The following PCDH15 variants were observed in gnomAD, a reference collection of about 807,000 sequenced individuals.
The protein encoded by PCDH15 is protocadherin-15.
A neutral mutation model predicts 178.5 loss-of-function variants in PCDH15; 129 were observed. That is an observed-to-expected ratio of 0.72 (90% CI 0.63 to 0.84). The LOEUF (loss-of-function observed/expected upper bound fraction) is 0.84. PCDH15 is among the 40% of genes least tolerant of loss of function. PCDH15 has a pLI of 0.00. For missense variants in PCDH15, 2,230 were observed against 2,099.9 expected, an observed-to-expected ratio of 1.06 and a Z score of -1.21; for synonymous variants, 800 against 732.0, an observed-to-expected ratio of 1.09 and a Z score of -1.50.
At chr10:53,930,601 C>T (rs1290631975) in intron 25 of PCDH15, among the ~76,000 whole-genome samples, 1 of 150,456 alleles carries the variant, frequency 6.6e-6, no homozygotes, top group Non-Finnish European at 1.5e-5. Context: ...AAGCTTAAAA[C>T]TTTTATTTGT....
At chr10:53,954,637 T>C (rs894789484) in intron 23 of PCDH15, among the ~76,000 whole-genome samples, 13 of 152,222 alleles carry the variant, frequency 8.5e-5, no homozygotes, top group African/African-American at 2.9e-4. Context: ...CTGGAGAAAG[T>C]AATTCATTGT....
Position 54,131,958 on chromosome 10 carries a change from C to T in PCDH15, c.1917+917G>A, listed in dbSNP as rs981932547. Among the ~76,000 whole-genome samples the T allele has an allele frequency of 7.9e-5, 12 of 152,056 alleles. No individual in the cohort carries two copies. In the East Asian group the frequency reaches 1.5e-3, roughly 20 times the overall value. ...GGATTTAAGCGAGATGTAGCTGTGC[C>T]TTATGTCACGTCAGCTGATGGTAAA... On this transcript the variant is annotated intron_variant, in intron 15 of 37. Coordinates refer to ENST00000644397, the MANE Select transcript of PCDH15 (RefSeq NM_001384140.1).
rs541725442 is a variant in PCDH15, at chr10:55,512,528, T to C, written c.-156+115097A>G. Among the ~76,000 whole-genome samples the C allele has an allele frequency of 4.6e-5, 7 of 152,126 alleles. No homozygotes were observed. The East Asian group carries it at 1.4e-3, about 30-fold the overall frequency. ...ATCTCTCTTTGCCTAGGTCAATGAC[T>C]AACAGGTATTTGAGAATTCTTCCAG... On this transcript the variant is annotated intron_variant, in intron 2 of 5. Coordinates refer to the PCDH15 transcript ENST00000613346.
intron 23 of PCDH15, among the ~76,000 whole-genome samples, chr10:53,950,752 T>A (rs1031311191): frequency 3.3e-5 from 5 of 152,214 alleles, no homozygotes; most frequent in Admixed American, 1.3e-4. Flanking sequence ...TCTCAAGTAG[T>A]ATGTGTTTGA....
chr10:53,867,402 A>T (rs141332108), intron 26 of PCDH15, among the ~76,000 whole-genome samples: 12 of 152,262 alleles, frequency 7.9e-5, no homozygotes, highest in Non-Finnish European at 1.6e-4. Flanking sequence ...CCCAACACAA[A>T]GAAGTGATAA....
intron 1 of PCDH15, among the ~76,000 whole-genome samples, chr10:55,180,173 G>A (rs745562773): frequency 1.2e-4 from 19 of 152,076 alleles, no homozygotes; most frequent in Middle Eastern, 6.8e-3. Context: ...GGCAGATGGT[G>A]AAACCCACAA....
At chr10:54,501,576 T>C (rs1163484918) in intron 3 of PCDH15, among the ~76,000 whole-genome samples, 1 of 152,146 alleles carries the variant, frequency 6.6e-6, no homozygotes, top group Non-Finnish European at 1.5e-5. Context: ...TTGATCAGTG[T>C]ATATTTTGTA....
At chr10:55,001,310 G>A (rs1839789334) in intron 2 of PCDH15, among the ~76,000 whole-genome samples, 1 of 152,172 alleles carries the variant, frequency 6.6e-6, no homozygotes, top group Non-Finnish European at 1.5e-5. Context: ...ACAAGAACCT[G>A]GGACATGCTG....
chr10:54,312,073 G>C (rs1480694428), intron 8 of PCDH15, among the ~76,000 whole-genome samples: 1 of 152,064 alleles, frequency 6.6e-6, no homozygotes, highest in Non-Finnish European at 1.5e-5. Context: ...GAAAGGATCA[G>C]CAAGTATGTA....
At chr10:55,107,286 T>C (rs1564803808) in intron 2 of PCDH15, among the ~76,000 whole-genome samples, 1 of 152,188 alleles carries the variant, frequency 6.6e-6, no homozygotes, top group African/African-American at 2.4e-5. Context: ...AGCTGCAGTC[T>C]GCTGCTGGTT....
intron 1 of PCDH15, among the ~76,000 whole-genome samples, chr10:55,203,951 C>G (rs1840323623): frequency 6.6e-6 from 1 of 151,906 alleles, no homozygotes; most frequent in African/African-American, 2.4e-5. Context: ...TGGTGCATGC[C>G]TGTAATCCCA....
chr10:54,620,998 T>C (rs188345791), intron 2 of PCDH15, among the ~76,000 whole-genome samples: 6 of 152,160 alleles, frequency 3.9e-5, no homozygotes, highest in Non-Finnish European at 7.4e-5. Flanking sequence ...ATATTCTTTT[T>C]TAGGAGGACA....
intron 1 of PCDH15, among the ~76,000 whole-genome samples, chr10:54,670,017 G>A (rs1263447749): frequency 6.6e-6 from 1 of 152,068 alleles, no homozygotes; most frequent in Non-Finnish European, 1.5e-5. Flanking sequence ...TTGCACCACT[G>A]CACTTCAGCC....
At chr10:55,599,246 G>C (rs939898429) in intron 2 of PCDH15, 3 of 152,144 alleles carry the variant, frequency 2.0e-5, no homozygotes, top group Admixed American at 6.5e-5. Context: ...ATAGTGAGAA[G>C]ATTCATTAGT....
chr10:54,473,151 G>C (rs1464645098), intron 3 of PCDH15, among the ~76,000 whole-genome samples: 1 of 152,114 alleles, frequency 6.6e-6, no homozygotes, highest in Non-Finnish European at 1.5e-5. Flanking sequence ...ATGGTAAGAA[G>C]AGACAACACT....
intron 20 of PCDH15, among the ~76,000 whole-genome samples, chr10:54,017,916 A>G (rs1398165831): frequency 6.6e-6 from 1 of 152,196 alleles, no homozygotes; most frequent in Non-Finnish European, 1.5e-5. Context: ...TTTTATGGTC[A>G]AGAACATTAA....
chr10:55,055,729 A>T (rs1487038781), intron 2 of PCDH15, among the ~76,000 whole-genome samples: 1 of 151,866 alleles, frequency 6.6e-6, no homozygotes, highest in Non-Finnish European at 1.5e-5. Flanking sequence ...CTTGAACCCA[A>T]ACTTGGGAGG....
At chr10:54,018,077 C>T (rs1203194676) in intron 20 of PCDH15, among the ~76,000 whole-genome samples, 1 of 152,116 alleles carries the variant, frequency 6.6e-6, no homozygotes, top group Non-Finnish European at 1.5e-5. Context: ...ATGATTTCTT[C>T]TTCCATCATT....
intron 3 of PCDH15, among the ~76,000 whole-genome samples, chr10:54,474,886 A>C (rs1295345188): frequency 6.6e-6 from 1 of 151,988 alleles, no homozygotes; most frequent in Non-Finnish European, 1.5e-5. Flanking sequence ...ATATCAATAC[A>C]AATGTTACAT....
Sources: gnomAD v4.1 joint callset for allele counts (sites outside exome capture counted in the v4.1 genomes callset) on GRCh38, gnomAD v4.1.1 for gene constraint, MANE v1.5 for transcripts, NCBI Gene and HGNC (gene_info 2026-07-23, HGNC 2026-07-21) for gene names.